The following ASCC3 variants were observed in gnomAD, a reference collection of about 807,000 sequenced individuals.
ASCC3 encodes ASC-1 complex subunit P200.
ASCC3 carries 158 observed loss-of-function variants against 256.3 expected under a neutral mutation model. That is an observed-to-expected ratio of 0.62 (90% CI 0.54 to 0.70). The LOEUF is 0.70. Ranked by LOEUF, ASCC3 falls within the 30% of genes least tolerant of loss-of-function variation. The pLI is 0.00. For missense variants in ASCC3, 2,259 were observed against 2,626.0 expected (o/e 0.86, Z 3.05); for synonymous variants, 948 against 883.4 (o/e 1.07, Z -1.30).
rs1387594117 is a variant in ASCC3 at position 100,601,864 on chromosome 6, G to C, written c.5249C>G (p.Ala1750Gly). ...GTAAGTCCAGGTGATATAATCCAAT[G>C]CATCTTGCTTAGATGTAATTGTACC... ...AGGTITSKQD[A>G]LDYITWTYFF... is the part of the protein sequence containing the mutation. Residue 1750 changes from alanine to glycine, a missense_variant, in exon 34 of 42, where the codon GCA (alanine) becomes GGA (glycine). Transcript: ENST00000369162. 1 of 1,612,464 alleles carries C rather than the reference G, an allele frequency of 6.2e-7. No individual in the cohort carries two copies. Among genetic ancestry groups the C allele is most frequent in the Admixed American group, 1.7e-5 (1 of 59,950 alleles).
intron 36 of ASCC3, among the ~76,000 whole-genome samples, chr6:100,578,255 A>AT: frequency 6.6e-6 from 1 of 152,220 alleles, no homozygotes; most frequent in East Asian, 1.9e-4. Context: ...CTGCTAATCA[A>AT]TTAAGTAATT....
chr6:100,630,136 G>A (rs1025477805), intron 26 of ASCC3, among the ~76,000 whole-genome samples: 2 of 151,784 alleles, frequency 1.3e-5, no homozygotes, highest in African/African-American at 4.8e-5. Flanking sequence ...GTGATCACCC[G>A]CCTCAGCCTC....
chr6:100,562,218 T>C (rs971367678), intron 36 of ASCC3, among the ~76,000 whole-genome samples: 3 of 151,944 alleles, frequency 2.0e-5, no homozygotes, highest in Admixed American at 1.3e-4. Context: ...ACTACTGTAA[T>C]AAAGACCATT....
intron 37 of ASCC3, among the ~76,000 whole-genome samples, chr6:100,523,721 G>A (rs1184413652): frequency 1.3e-5 from 2 of 152,084 alleles, no homozygotes; most frequent in African/African-American, 4.8e-5. Flanking sequence ...TTTTTACAGT[G>A]GTGTAAGTAT....
intron 37 of ASCC3, chr6:100,530,560 T>C (rs1774817634): frequency 1.3e-6 from 1 of 785,086 alleles, no homozygotes; most frequent in Non-Finnish European, 2.4e-6. Flanking sequence ...GGCCTGGCAC[T>C]CAATCCAGCC....
intron 18 of ASCC3, among the ~76,000 whole-genome samples, chr6:100,652,469 G>A (rs1198858709): frequency 6.6e-6 from 1 of 152,138 alleles, no homozygotes; most frequent in Non-Finnish European, 1.5e-5. Flanking sequence ...ACATGTAAAA[G>A]CAAATGTGCC....
In ASCC3 at chr6:100,554,016, A is replaced by G. The variant is rs1769438469; in HGVS notation, c.5551-13629T>C. Among the ~76,000 whole-genome samples, 3 of 152,304 alleles carry G rather than the reference A, an allele frequency of 2.0e-5. No homozygotes were observed. The South Asian group carries it at 6.2e-4, about 32-fold the overall frequency. ...TATGGCAAAATCTGTACAGCTAAAT[A>G]TGAGATATGCCTTTCAGCAATTAGC... On this transcript the variant is annotated intron_variant, in intron 36 of 41. Coordinates refer to ENST00000369162, the MANE Select transcript of ASCC3 (RefSeq NM_006828.4).
chr6:100,806,342 A>T (rs1314375624), intron 4 of ASCC3, among the ~76,000 whole-genome samples: 1 of 152,000 alleles, frequency 6.6e-6, no homozygotes, highest in Non-Finnish European at 1.5e-5. Flanking sequence ...TTTTACATGT[A>T]TTTTAAATGC....
intron 14 of ASCC3, among the ~76,000 whole-genome samples, chr6:100,667,072 A>G (rs1488522160): frequency 2.0e-5 from 3 of 152,224 alleles, no homozygotes; most frequent in Admixed American, 2.0e-4. Context: ...TTTGTTATTT[A>G]TGACATGATA....
chr6:100,741,922 G>A (rs1312486633), intron 10 of ASCC3, among the ~76,000 whole-genome samples: 2 of 152,150 alleles, frequency 1.3e-5, no homozygotes, highest in Non-Finnish European at 2.9e-5. Context: ...GAGAGGTATT[G>A]TGGTCATTTG....
chr6:100,553,478 A>G (rs1769407152), intron 36 of ASCC3, among the ~76,000 whole-genome samples: 1 of 152,094 alleles, frequency 6.6e-6, no homozygotes, highest in Non-Finnish European at 1.5e-5. Context: ...CAGCAAGGTC[A>G]GTGGAGTCCA....
In ASCC3 at chr6:100,638,454, A is replaced by G. The variant is rs1267897551; in HGVS notation, c.4122+147T>C. On this transcript the variant is annotated intron_variant, in intron 25 of 41. Transcript: ENST00000369162. ...ACCAAACTCATGATATCTTCACGGT[A>G]TATCTGTACTGATCTGGTCCCCTGG... The G allele has an allele frequency of 1.6e-5, 10 of 642,526 alleles. No homozygotes were observed. In the East Asian group the frequency reaches 2.2e-4, roughly 14 times the overall value. 39.8% of individuals were successfully genotyped at this position (642,526 alleles called of 1,614,324 possible). A position where few individuals can be genotyped will look rare whatever the true frequency, so the allele number is the denominator to read the frequency against.
intron 8 of ASCC3, among the ~76,000 whole-genome samples, chr6:100,783,201 T>C (rs1782527884): frequency 6.6e-6 from 1 of 152,158 alleles, no homozygotes; most frequent in Non-Finnish European, 1.5e-5. Context: ...CTCATGCCCC[T>C]TCAAATTATT....
intron 8 of ASCC3, among the ~76,000 whole-genome samples, chr6:100,789,230 T>G (rs1052828853): frequency 1.3e-5 from 2 of 152,064 alleles, no homozygotes; most frequent in Non-Finnish European, 2.9e-5. Context: ...TCCCGTTGAC[T>G]TTTATGCTTC....
rs1483324457 is a variant in ASCC3 at position 100,532,416 on chromosome 6, T to A, written c.5775+7747A>T. ...TATATATATATATATATTTTTTTTT[T>A]TTTTTTTTTTTAAATTACAAAAGCC... On this transcript the variant is annotated intron_variant, in intron 37 of 41. Transcript: ENST00000369162. Among the ~76,000 whole-genome samples, 313 of 140,234 alleles carry A rather than the reference T, an allele frequency of 2.2e-3. 1 individual carries two copies. Among genetic ancestry groups the A allele is most frequent in the East Asian group, 0.013 (63 of 4,848 alleles). The allele number at this position is 140,234 out of a possible 152,430, so 92.0% of individuals were successfully genotyped here.
intron 11 of ASCC3, among the ~76,000 whole-genome samples, chr6:100,720,830 T>C (rs1215229962): frequency 1.4e-5 from 2 of 148,018 alleles, no homozygotes; most frequent in Admixed American, 6.9e-5. Context: ...ATATATATGA[T>C]ATACACTTAT....
chr6:100,654,144 G>A (rs1047367723), intron 17 of ASCC3, among the ~76,000 whole-genome samples: 2 of 152,026 alleles, frequency 1.3e-5, no homozygotes, highest in African/African-American at 4.8e-5. Context: ...TGTTTGCTAT[G>A]AGTGATAATA....
At chr6:100,784,249 T>C (rs1782587801) in intron 8 of ASCC3, among the ~76,000 whole-genome samples, 1 of 152,140 alleles carries the variant, frequency 6.6e-6, no homozygotes. Flanking sequence ...TAGAATAAGA[T>C]ACAATTTTAT....
intron 10 of ASCC3, among the ~76,000 whole-genome samples, chr6:100,733,431 C>T (rs1167613367): frequency 6.6e-6 from 1 of 151,980 alleles, no homozygotes; most frequent in East Asian, 1.9e-4. Context: ...TATTAGTTCC[C>T]AGAAGAACTG....
Sources: allele counts gnomAD v4.1 joint callset (sites outside exome capture counted in the v4.1 genomes callset), GRCh38; gene constraint gnomAD v4.1.1; transcripts MANE v1.5; gene names NCBI Gene and HGNC (gene_info 2026-07-23, HGNC 2026-07-21).